RBFOX1: variants seen among roughly 807,000 people sequenced by gnomAD.
The protein encoded by RBFOX1 is RNA binding fox-1 homolog 1, also known as RNA binding protein fox-1 homolog 1.
Under a neutral mutation model 57.7 loss-of-function variants are expected in RBFOX1, and 8 were observed. The observed-to-expected ratio is 0.14, with a 90% CI of 0.08 to 0.25. RBFOX1 has a LOEUF of 0.25. Among genes scored for constraint, RBFOX1 ranks in the 10% least tolerant of loss-of-function variants. The pLI is 1.00. For synonymous variants in RBFOX1, 326 were observed against 222.4 expected (o/e 1.47, Z -4.15); for missense variants, 611 against 548.5 (o/e 1.11, Z -1.14).
At chr16:5,346,357 AT>A (rs1282082781) in intron 1 of RBFOX1, among the ~76,000 whole-genome samples, 3 of 152,206 alleles carry the variant, frequency 2.0e-5, no homozygotes, top group South Asian at 2.1e-4. Context: ...CATCATCGTC[AT>A]TACATAAATT....
chr16:5,617,937 C>T (rs2048086536), intron 3 of RBFOX1, among the ~76,000 whole-genome samples: 1 of 152,076 alleles, frequency 6.6e-6, no homozygotes. Flanking sequence ...TTGTTCAAGC[C>T]ATCAGTCTTT....
At chr16:6,903,075 A>T (rs1355719382) in intron 3 of RBFOX1, among the ~76,000 whole-genome samples, 1 of 152,160 alleles carries the variant, frequency 6.6e-6, no homozygotes, top group African/African-American at 2.4e-5. Context: ...TGTTGGAGCA[A>T]CCTGACTCAG....
chr16:7,285,373 A>G (rs1019542586), intron 4 of RBFOX1, among the ~76,000 whole-genome samples: 1 of 149,802 alleles, frequency 6.7e-6, no homozygotes, highest in Non-Finnish European at 1.5e-5. Flanking sequence ...TGTTACTTGC[A>G]TTAATTGTGT....
intron 3 of RBFOX1, among the ~76,000 whole-genome samples, chr16:5,852,543 A>G (rs2151867409): frequency 1.3e-5 from 2 of 152,254 alleles, no homozygotes; most frequent in Middle Eastern, 6.8e-3. Context: ...TCAATGCATA[A>G]CTGTTGTGGC....
chr16:6,917,677 C>T (rs984571030), intron 3 of RBFOX1, among the ~76,000 whole-genome samples: 3 of 152,180 alleles, frequency 2.0e-5, no homozygotes, highest in East Asian at 1.9e-4. Context: ...GAAGGAGGGT[C>T]TGTGTGCTGT....
At chr16:6,746,346 G>C (rs1343993107) in intron 3 of RBFOX1, among the ~76,000 whole-genome samples, 1 of 152,102 alleles carries the variant, frequency 6.6e-6, no homozygotes, top group Non-Finnish European at 1.5e-5. Flanking sequence ...GATGAATACT[G>C]TATGATTTGC....
At chr16:5,843,318 G>A (rs28712689) in intron 3 of RBFOX1, among the ~76,000 whole-genome samples, 3,747 of 152,282 alleles carry the variant, frequency 0.025, 156 homozygotes, top group African/African-American at 0.086. Flanking sequence ...AGGCTCCAGT[G>A]TGTGCTGTTC....
chr16:6,410,216 G>T (rs1014645111), intron 2 of RBFOX1, among the ~76,000 whole-genome samples: 1 of 148,650 alleles, frequency 6.7e-6, no homozygotes, highest in Non-Finnish European at 1.5e-5. Flanking sequence ...TGGTGCATAT[G>T]AATGTGCTTT....
intron 14 of RBFOX1, among the ~76,000 whole-genome samples, chr16:7,700,700 G>A (rs2080390436): frequency 6.6e-6 from 1 of 152,132 alleles, no homozygotes; most frequent in Non-Finnish European, 1.5e-5. Flanking sequence ...TTTAGAGGAG[G>A]TATTCTAGGG....
rs1048488547 is a variant in RBFOX1, at chr16:6,838,044, A to G, written c.-16+183394A>G. 2.0e-5 allele frequency among the ~76,000 whole-genome samples: 3 copies of G among 149,308 alleles called. No homozygotes were observed. The Admixed American group carries it at 2.0e-4, about 10-fold the overall frequency. ...TTTCCATTTTACTTTAAGTTCCGGG[A>G]TGCATGTGCAGAACATGCAGGTTTG... is the stretch of plus-strand genomic sequence containing the variant. On this transcript the variant is annotated intron_variant, in intron 3 of 15. Coordinates refer to ENST00000550418, the MANE Select transcript of RBFOX1 (RefSeq NM_018723.4).
At chr16:6,052,818 TAA>T (rs976649220) in intron 1 of RBFOX1, among the ~76,000 whole-genome samples, 3 of 147,974 alleles carry the variant, frequency 2.0e-5, no homozygotes, top group Non-Finnish European at 4.5e-5. Flanking sequence ...ATAATAATAA[TAA>T]TAATAATAAT....
At chr16:7,413,679 T>C (rs2098452046) in intron 4 of RBFOX1, among the ~76,000 whole-genome samples, 1 of 151,964 alleles carries the variant, frequency 6.6e-6, no homozygotes, top group African/African-American at 2.4e-5. Context: ...AAAAAAGTAT[T>C]CCTCAGCGGG....
chr16:6,604,722 G>T (rs947449628), intron 2 of RBFOX1, among the ~76,000 whole-genome samples: 2 of 152,068 alleles, frequency 1.3e-5, no homozygotes, highest in Admixed American at 1.3e-4. Context: ...ATAATTGTCA[G>T]CCCTATAACA....
intron 4 of RBFOX1, among the ~76,000 whole-genome samples, chr16:7,482,809 C>G (rs1307112859): frequency 3.3e-5 from 5 of 152,058 alleles, no homozygotes; most frequent in African/African-American, 4.8e-5. Context: ...AGTCCTCCCA[C>G]AAGCTCGGGA....
At chr16:7,291,319 G>A (rs947443320) in intron 4 of RBFOX1, among the ~76,000 whole-genome samples, 3 of 152,142 alleles carry the variant, frequency 2.0e-5, no homozygotes, top group African/African-American at 7.2e-5. Context: ...ACCAATGTGA[G>A]GTATGAGTTG....
At chr16:7,074,894 C>G (rs1386613742) in intron 4 of RBFOX1, among the ~76,000 whole-genome samples, 1 of 152,028 alleles carries the variant, frequency 6.6e-6, no homozygotes, top group African/African-American at 2.4e-5. Context: ...TTCTCTAAAG[C>G]CATCCCCCAG....
chr16:5,706,657 C>A (rs900008643), intron 3 of RBFOX1, among the ~76,000 whole-genome samples: 7 of 152,128 alleles, frequency 4.6e-5, no homozygotes, highest in African/African-American at 9.7e-5. Context: ...AGGAAAATAA[C>A]GTTGCAATTC....
At chr16:6,292,414 C>G (rs1419598234) in intron 1 of RBFOX1, among the ~76,000 whole-genome samples, 2 of 148,746 alleles carry the variant, frequency 1.3e-5, no homozygotes, top group Non-Finnish European at 3.0e-5. Flanking sequence ...GTGAATTTTT[C>G]TCAGACAAAA....
intron 2 of RBFOX1, among the ~76,000 whole-genome samples, chr16:5,482,240 C>T (rs975622164): frequency 5.3e-5 from 8 of 152,130 alleles, no homozygotes; most frequent in Admixed American, 4.6e-4. Context: ...CAGCTCAAGC[C>T]TTCTTATTTC....
Sources: gnomAD v4.1 joint callset for allele counts (sites outside exome capture counted in the v4.1 genomes callset) on GRCh38, gnomAD v4.1.1 for gene constraint, MANE v1.5 for transcripts, NCBI Gene and HGNC (gene_info 2026-07-23, HGNC 2026-07-21) for gene names.